The following HAS3 variants were observed in gnomAD, a reference collection of about 807,000 sequenced individuals.
HAS3 encodes the protein hyaluronan synthase 3.
HAS3 carries 27 observed loss-of-function variants against 50.3 expected under a neutral mutation model. The ratio of observed to expected loss-of-function variants is 0.54; its 90% confidence interval spans 0.40 to 0.74. The LOEUF (loss-of-function observed/expected upper bound fraction) is 0.74. HAS3 is among the 30% of genes least tolerant of loss of function. The pLI, the probability that HAS3 is intolerant of heterozygous loss-of-function variation, is 0.00. For missense variants in HAS3, 517 were observed against 742.8 expected, an observed-to-expected ratio of 0.70 and a Z score of 3.53; for synonymous variants, 339 against 310.9, an observed-to-expected ratio of 1.09 and a Z score of -0.95.
chr16:69,099,381 G>A, the HAS3 span, among the ~76,000 whole-genome samples: 1 of 151,848 alleles, frequency 6.6e-6, no homozygotes, highest in South Asian at 2.1e-4. Context: ...AGGTTGGAGT[G>A]CAGTGGCGCA....
Position 69,114,854 on chromosome 16 carries a change from A to G in HAS3, c.1250A>G (p.Gln417Arg). The G allele has an allele frequency of 6.2e-7, 1 of 1,614,092 alleles. No individual in the cohort carries two copies. Reference sequence around the variant, plus strand: ...ATTCTCCTCTTCCTGCTGACGGTGCAGCTGGTGGGCATTATCAAGGCCACC... The same window carrying G: ...ATTCTCCTCTTCCTGCTGACGGTGCGGCTGGTGGGCATTATCAAGGCCACC... ...WNILLFLLTV[Q>R]LVGIIKATYA... The change falls in exon 4 of 4, where the codon CAG becomes CGG. Residue 417 changes from glutamine to arginine, a missense_variant. Physicochemically the swap from Gln to Arg is conservative, Grantham distance 43 (BLOSUM62 1). Coordinates refer to ENST00000569188, the MANE Select transcript of HAS3 (RefSeq NM_001199280.2). This position sits in a 1 kb window ranked among gnomAD's most constrained non-coding sequence, Gnocchi z 6.4.
intron 1 of HAS3, among the ~76,000 whole-genome samples, chr16:69,108,454 C>T (rs1960884093): frequency 6.6e-6 from 1 of 152,198 alleles, no homozygotes; most frequent in Admixed American, 6.5e-5. Context: ...TAAAATACAG[C>T]TGTTTCCAAC....
At chr16:69,100,178 C>T in the HAS3 span, among the ~76,000 whole-genome samples, 1 of 152,196 alleles carries the variant, frequency 6.6e-6, no homozygotes, top group East Asian at 1.9e-4. Context: ...CCTGATTACA[C>T]AGTGCTTGTC....
the HAS3 span, chr16:69,084,352 C>G: frequency 6.6e-6 from 1 of 152,320 alleles, no homozygotes; most frequent in Non-Finnish European, 1.5e-5. Context: ...TCCTCCCAGG[C>G]CATTCTTCTT....
intron 1 of HAS3, among the ~76,000 whole-genome samples, chr16:69,108,812 GC>G (rs1385717369): frequency 6.6e-6 from 1 of 152,258 alleles, no homozygotes; most frequent in Non-Finnish European, 1.5e-5. Flanking sequence ...GGAAGCTGCT[GC>G]TTTTTCCCAA....
chr16:69,118,286 T>G (rs1238998254), downstream of HAS3: 25 of 998,016 alleles, frequency 2.5e-5, no homozygotes, highest in Non-Finnish European at 4.0e-5. Flanking sequence ...GCCCAGTCAG[T>G]CAAGCAGAAA....
Position 69,106,847 on chromosome 16 carries a change from G to C in HAS3, c.-1+1060G>C, listed in dbSNP as rs1237315850. 2.0e-5 allele frequency: 3 copies of C among 152,188 alleles called. No homozygotes were observed. The highest frequency in any genetic ancestry group is 6.5e-5 in the Admixed American group (1 of 15,276). 9.4% of individuals were successfully genotyped at this position (152,188 alleles called of 1,614,324 possible). ...GGGCACAAGAGGAGGAGCCCCGTTGGGCGCACAAGTTTCCATGCCGCTGCG... is the reference window on the plus strand; with the variant it reads ...GGGCACAAGAGGAGGAGCCCCGTTGCGCGCACAAGTTTCCATGCCGCTGCG... On this transcript the variant is annotated intron_variant, in intron 1 of 3. Coordinates refer to ENST00000569188, the MANE Select transcript of HAS3 (RefSeq NM_001199280.2). This position sits in a 1 kb window ranked among gnomAD's most constrained non-coding sequence, Gnocchi z 5.5.
intron 2 of HAS3, among the ~76,000 whole-genome samples, chr16:69,112,915 C>T (rs1961057469): frequency 6.6e-6 from 1 of 152,164 alleles, no homozygotes; most frequent in African/African-American, 2.4e-5. Flanking sequence ...CTGTTGAGGG[C>T]GCAGAGGCCA....
the HAS3 span, chr16:69,084,223 C>G: frequency 6.6e-6 from 1 of 152,446 alleles, no homozygotes; most frequent in South Asian, 2.1e-4. Flanking sequence ...AAGAACAGGG[C>G]TAAATCTGGT....
intron 2 of HAS3, among the ~76,000 whole-genome samples, chr16:69,111,124 A>G (rs1960985171): frequency 6.7e-6 from 1 of 149,682 alleles, no homozygotes; most frequent in Non-Finnish European, 1.5e-5. Flanking sequence ...AGTACAAAGT[A>G]GAAACCCTAG....
chr16:69,102,237 C>G (rs1037249468), upstream of HAS3, among the ~76,000 whole-genome samples: 2 of 152,166 alleles, frequency 1.3e-5, no homozygotes, highest in African/African-American at 4.8e-5. Context: ...CAGCGTGAAT[C>G]TTCTACTACT....
chr16:69,091,363 C>T, the HAS3 span, among the ~76,000 whole-genome samples: 5 of 152,122 alleles, frequency 3.3e-5, no homozygotes, highest in South Asian at 2.1e-4. Context: ...TTCTAATTTC[C>T]AATGGTTTTT....
intron 2 of HAS3, among the ~76,000 whole-genome samples, chr16:69,111,194 C>CA (rs1264601117): frequency 7.1e-5 from 5 of 70,322 alleles, no homozygotes; most frequent in Non-Finnish European, 1.3e-4. Flanking sequence ...TTTTTTGAGA[C>CA]AGAGTAGCTG....
chr16:69,116,429 T>A lies in HAS3; in HGVS notation c.*1163T>A, dbSNP rs1961185345. 2.0e-6 allele frequency: 2 copies of A among 985,878 alleles called. No homozygotes were observed. Among genetic ancestry groups the A allele is most frequent in the Non-Finnish European group, 2.4e-6 (2 of 829,904 alleles). The allele number at this position is 985,878 out of a possible 1,614,324, so 61.1% of individuals were successfully genotyped here. A position where few individuals can be genotyped will look rare whatever the true frequency, so the allele number is the denominator to read the frequency against. On this transcript the variant is annotated 3_prime_UTR_variant, in exon 4 of 4. Coordinates refer to ENST00000569188, the MANE Select transcript of HAS3 (RefSeq NM_001199280.2). ...TCCTTGGCAGCCGGGTTAGCATGTG[T>A]GACTTTCAGGCTACTGTTCTTGACA...
chr16:69,094,062 T>C, the HAS3 span, among the ~76,000 whole-genome samples: 1 of 152,204 alleles, frequency 6.6e-6, no homozygotes, highest in Non-Finnish European at 1.5e-5. Context: ...GGGCAGGAGC[T>C]GCTGATTTCA....
chr16:69,118,590 G>A, downstream of HAS3: 2 of 728,608 alleles, frequency 2.7e-6, no homozygotes, highest in Non-Finnish European at 5.0e-6. Context: ...AAAGCTGTGG[G>A]ACGAAAGCAC....
At position 69,107,708 on chromosome 16, in the gene HAS3, G is replaced by A; in HGVS notation, c.1-1688G>A. 1 of 985,394 alleles carries A rather than the reference G, an allele frequency of 1.0e-6. No homozygotes were observed. The highest frequency in any genetic ancestry group is 1.2e-6 in the Non-Finnish European group (1 of 829,880). 61.0% of individuals were successfully genotyped at this position (985,394 alleles called of 1,614,324 possible). ...GCCCCTTCAGCATGTAAGCTCCGGAGGGGAATGGGGGCGCTCCTAGGCTGC... is the reference window on the plus strand; with the variant it reads ...GCCCCTTCAGCATGTAAGCTCCGGAAGGGAATGGGGGCGCTCCTAGGCTGC... On this transcript the variant is annotated intron_variant, in intron 1 of 3. Transcript: ENST00000569188. This position sits in a 1 kb window ranked among gnomAD's most constrained non-coding sequence, Gnocchi z 5.5.
At chr16:69,101,397 T>A (rs74025371), upstream of HAS3, among the ~76,000 whole-genome samples, 1,101 of 152,148 alleles carry the variant, frequency 7.2e-3, 10 homozygotes, top group African/African-American at 0.023. Flanking sequence ...GCCTCCCGGG[T>A]TCAAGGGATT....
At chr16:69,105,872 G>C (rs565708305) in intron 1 of HAS3, 85 bp downstream of exon 1, 1 of 152,428 alleles carries the variant, frequency 6.6e-6, no homozygotes, top group South Asian at 2.1e-4. Context: ...GTGGTATCTG[G>C]AAAGTTAACG....
Sources: gnomAD v4.1 joint callset for allele counts (sites outside exome capture counted in the v4.1 genomes callset) on GRCh38, gnomAD v4.1.1 for gene constraint, Gnocchi (gnomAD v3.1) non-coding constraint, MANE v1.5 for transcripts, NCBI Gene and HGNC (gene_info 2026-07-23, HGNC 2026-07-21) for gene names.